VOPP1: variants seen among roughly 807,000 people sequenced by gnomAD.
VOPP1 encodes VOPP1 WW domain binding protein, also known as WW domain binding protein VOPP1.
In VOPP1, 8 loss-of-function variants were observed where a neutral mutation model predicts 23.5. That is an observed-to-expected ratio of 0.34 (90% CI 0.20 to 0.61). VOPP1 has a LOEUF of 0.61. VOPP1 is among the 20% of genes least tolerant of loss of function. VOPP1 has a pLI of 0.78. For synonymous variants in VOPP1, 83 were observed against 97.3 expected, an observed-to-expected ratio of 0.85 and a Z score of 0.86; for missense variants, 174 against 238.1, an observed-to-expected ratio of 0.73 and a Z score of 1.77.
At chr7:55,508,187 C>T (rs1434324139) in intron 2 of VOPP1, among the ~76,000 whole-genome samples, 3 of 152,140 alleles carry the variant, frequency 2.0e-5, no homozygotes, top group Admixed American at 6.5e-5. Context: ...CCCAGATGCA[C>T]CCAGAGTTAA....
intron 2 of VOPP1, 61 bp from the exon 3 acceptor site, chr7:55,497,751 G>T: frequency 6.8e-7 from 1 of 1,478,432 alleles, no homozygotes; most frequent in Non-Finnish European, 9.5e-7. Context: ...GACCAGCCAT[G>T]CGGCCCAGGC....
chr7:55,461,765 G>A (rs1321927190), intron 4 of VOPP1, among the ~76,000 whole-genome samples: 1 of 152,116 alleles, frequency 6.6e-6, no homozygotes, highest in Admixed American at 6.5e-5. Flanking sequence ...TCCCATTCAA[G>A]GTTATTACTG....
intron 1 of VOPP1, among the ~76,000 whole-genome samples, chr7:55,541,217 T>G (rs575114102): frequency 6.6e-6 from 1 of 152,184 alleles, no homozygotes; most frequent in Non-Finnish European, 1.5e-5. Context: ...TATGAAAAAC[T>G]TCAGAATTGT....
At chr7:55,439,451 CAA>C (rs1222973575) in intron 4 of VOPP1, among the ~76,000 whole-genome samples, 1 of 152,078 alleles carries the variant, frequency 6.6e-6, no homozygotes, top group Middle Eastern at 3.2e-3. Context: ...AAAGGTAGGA[CAA>C]AGAGAGTCAC....
chr7:55,554,713 G>A (rs1797743920), intron 1 of VOPP1, among the ~76,000 whole-genome samples: 1 of 152,228 alleles, frequency 6.6e-6, no homozygotes, highest in Non-Finnish European at 1.5e-5. Flanking sequence ...CACTGTCTGA[G>A]GCCTCTGGGC....
intron 1 of VOPP1, among the ~76,000 whole-genome samples, chr7:55,541,249 T>C (rs922696465): frequency 3.9e-5 from 6 of 152,242 alleles, no homozygotes; most frequent in Non-Finnish European, 8.8e-5. Flanking sequence ...GGATGAATTA[T>C]ATGATACTTA....
chr7:55,451,365 T>C (rs1368666938), intron 4 of VOPP1, among the ~76,000 whole-genome samples: 1 of 152,230 alleles, frequency 6.6e-6, no homozygotes, highest in Non-Finnish European at 1.5e-5. Flanking sequence ...AAGTGAACAT[T>C]GCAATAAAGT....
At chr7:55,457,074 T>TGACAG (rs920093376) in intron 4 of VOPP1, among the ~76,000 whole-genome samples, 1 of 152,188 alleles carries the variant, frequency 6.6e-6, no homozygotes, top group Non-Finnish European at 1.5e-5. Flanking sequence ...CCTCTCTTCG[T>TGACAG]GACACCGTGT....
intron 4 of VOPP1, among the ~76,000 whole-genome samples, chr7:55,486,984 G>A (rs1793191711): frequency 6.6e-6 from 1 of 152,182 alleles, no homozygotes; most frequent in African/African-American, 2.4e-5. Flanking sequence ...GGAGACCGGG[G>A]AGAGGTGGCC....
chr7:55,466,655 T>C (rs902151210), downstream of VOPP1, among the ~76,000 whole-genome samples: 2 of 152,110 alleles, frequency 1.3e-5, no homozygotes, highest in East Asian at 3.8e-4. Flanking sequence ...ATCTTATTTT[T>C]TTAATTTAAT....
At chr7:55,520,818 A>G (rs1206460716) in intron 2 of VOPP1, among the ~76,000 whole-genome samples, 1 of 151,914 alleles carries the variant, frequency 6.6e-6, no homozygotes, top group Non-Finnish European at 1.5e-5. Flanking sequence ...CCCCCTTTAA[A>G]CCCTCACATG....
intron 4 of VOPP1, among the ~76,000 whole-genome samples, chr7:55,457,044 A>G (rs1301315522): frequency 6.6e-6 from 1 of 152,100 alleles, no homozygotes; most frequent in African/African-American, 2.4e-5. Flanking sequence ...TCGAGCTGTA[A>G]CTTTGTACCC....
chr7:55,530,048 T>C (rs546418410), intron 1 of VOPP1, among the ~76,000 whole-genome samples: 2 of 152,172 alleles, frequency 1.3e-5, no homozygotes, highest in Admixed American at 6.5e-5. Context: ...TGGACAGATA[T>C]CTTAATTTCT....
At chr7:55,547,566 A>G (rs1226178413) in intron 1 of VOPP1, among the ~76,000 whole-genome samples, 1 of 152,210 alleles carries the variant, frequency 6.6e-6, no homozygotes, top group Non-Finnish European at 1.5e-5. Flanking sequence ...TGGAGCACGG[A>G]ACTAAGTATG....
intron 1 of VOPP1, among the ~76,000 whole-genome samples, chr7:55,543,073 G>A (rs1261897950): frequency 6.6e-6 from 1 of 151,760 alleles, no homozygotes; most frequent in Non-Finnish European, 1.5e-5. Context: ...CTGCCACCAC[G>A]CCCGGCTAAT....
chr7:55,451,566 C>T (rs1302657447), intron 4 of VOPP1, among the ~76,000 whole-genome samples: 4 of 151,924 alleles, frequency 2.6e-5, no homozygotes, highest in Admixed American at 6.5e-5. Context: ...CAGAGGCGGG[C>T]GGATCACAAG....
At chr7:55,541,456 G>C (rs959815064) in intron 1 of VOPP1, among the ~76,000 whole-genome samples, 3 of 152,150 alleles carry the variant, frequency 2.0e-5, no homozygotes, top group Non-Finnish European at 2.9e-5. Context: ...AAAAAAGACA[G>C]ACAATAACAA....
intron 1 of VOPP1, among the ~76,000 whole-genome samples, chr7:55,521,359 T>C (rs1795842145): frequency 6.6e-6 from 1 of 152,220 alleles, no homozygotes; most frequent in Non-Finnish European, 1.5e-5. Flanking sequence ...TATCTCTATA[T>C]ACACTGAGTG....
chr7:55,495,723 G>A (rs1019262079), intron 3 of VOPP1, among the ~76,000 whole-genome samples: 4 of 152,312 alleles, frequency 2.6e-5, no homozygotes, highest in Non-Finnish European at 5.9e-5. Context: ...TATCAGACCC[G>A]ATGTTGATTG....
Sources: gnomAD v4.1 joint callset for allele counts (sites outside exome capture counted in the v4.1 genomes callset) on GRCh38, gnomAD v4.1.1 for gene constraint, MANE v1.5 for transcripts, NCBI Gene and HGNC (gene_info 2026-07-23, HGNC 2026-07-21) for gene names.